The following WDR7 variants were observed in gnomAD, a reference collection of about 807,000 sequenced individuals.
WDR7 encodes WD repeat-containing protein 7.
Under a neutral mutation model 169.4 loss-of-function variants are expected in WDR7, and 46 were observed. That is an observed-to-expected ratio of 0.27 (90% CI 0.21 to 0.35). WDR7 has a LOEUF of 0.35. Ranked by LOEUF, WDR7 falls within the 10% of genes least tolerant of loss-of-function variation. WDR7 has a pLI of 1.00. For synonymous variants in WDR7, 612 were observed against 666.8 expected, an observed-to-expected ratio of 0.92 and a Z score of 1.27; for missense variants, 1,534 against 1,859.3, an observed-to-expected ratio of 0.83 and a Z score of 3.22.
chr18:56,814,872 C>A (rs2044937427), intron 19 of WDR7, among the ~76,000 whole-genome samples: 1 of 151,558 alleles, frequency 6.6e-6, no homozygotes, highest in African/African-American at 2.4e-5. Context: ...CATTCTTTAG[C>A]ATTATTATTA....
intron 13 of WDR7, among the ~76,000 whole-genome samples, chr18:56,725,920 C>T (rs1160555248): frequency 6.6e-6 from 1 of 152,092 alleles, no homozygotes; most frequent in Non-Finnish European, 1.5e-5. Flanking sequence ...GAATCCTTTC[C>T]CCATTTCTTG....
intron 20 of WDR7, chr18:56,872,689 C>G (rs987973418): frequency 6.6e-6 from 1 of 152,054 alleles, no homozygotes; most frequent in Non-Finnish European, 1.5e-5. Context: ...CTTTTCCACA[C>G]AGGGCTAGTT....
chr18:56,831,380 TAA>T (rs1368416913), intron 20 of WDR7, among the ~76,000 whole-genome samples: 2 of 152,008 alleles, frequency 1.3e-5, no homozygotes, highest in East Asian at 1.9e-4. Flanking sequence ...CTGGAATGAA[TAA>T]AGAGTCTAGA....
At chr18:56,833,344 ATATGGGAC>A (rs796610871) in intron 20 of WDR7, among the ~76,000 whole-genome samples, 2 of 152,100 alleles carry the variant, frequency 1.3e-5, no homozygotes, top group South Asian at 2.1e-4. Flanking sequence ...CTATGTGAAA[ATATGGGAC>A]TATGGGACTA....
At chr18:56,748,501 A>G (rs1356100633) in intron 14 of WDR7, among the ~76,000 whole-genome samples, 1 of 152,180 alleles carries the variant, frequency 6.6e-6, no homozygotes, top group Non-Finnish European at 1.5e-5. Context: ...TTTCTTTATC[A>G]AAGGCATGAC....
Position 57,014,054 on chromosome 18 carries a change from A to C in WDR7, c.4165-6691A>C, listed in dbSNP as rs186384165. ...GAAATTCCACATCTTGGCTGGGCACAGTGGTTCACGCCTATAATCCCAGCA... is the reference window on the plus strand; with the variant it reads ...GAAATTCCACATCTTGGCTGGGCACCGTGGTTCACGCCTATAATCCCAGCA... On this transcript the variant is annotated intron_variant, in intron 26 of 27. Coordinates refer to ENST00000254442, the MANE Select transcript of WDR7 (RefSeq NM_015285.3). 7.7e-4 allele frequency among the ~76,000 whole-genome samples: 118 copies of C among 152,326 alleles called. 3 individuals are homozygous for C. Among genetic ancestry groups the C allele is most frequent in the Admixed American group, 7.6e-3 (117 of 15,296 alleles).
At chr18:57,008,816 G>A (rs571153891) in intron 26 of WDR7, among the ~76,000 whole-genome samples, 1 of 152,088 alleles carries the variant, frequency 6.6e-6, no homozygotes, top group South Asian at 2.1e-4. Context: ...CACTGGCAGG[G>A]GTCCTATCTC....
At chr18:56,974,887 C>T (rs1408920287) in intron 26 of WDR7, among the ~76,000 whole-genome samples, 1 of 152,102 alleles carries the variant, frequency 6.6e-6, no homozygotes, top group Admixed American at 6.5e-5. Flanking sequence ...TGACAGTCTG[C>T]AGAGGAGGAC....
intron 19 of WDR7, among the ~76,000 whole-genome samples, chr18:56,807,370 G>A (rs978947661): frequency 1.3e-4 from 20 of 151,902 alleles, no homozygotes; most frequent in Non-Finnish European, 2.4e-4. Flanking sequence ...CATAGTCTTT[G>A]GTTTTTTTGT....
intron 19 of WDR7, among the ~76,000 whole-genome samples, chr18:56,813,255 T>C (rs2044906662): frequency 6.6e-6 from 1 of 151,592 alleles, no homozygotes; most frequent in Admixed American, 6.6e-5. Context: ...AAAATGTGTG[T>C]ATGTGTGTGT....
chr18:56,924,089 G>A lies in WDR7; in HGVS notation c.3694G>A (p.Ala1232Thr). 1 of 1,612,406 alleles carries A rather than the reference G, an allele frequency of 6.2e-7. No homozygotes were observed. Among genetic ancestry groups the A allele is most frequent in the African/African-American group, 1.3e-5 (1 of 74,946 alleles). Residue 1232 changes from alanine (A) to threonine (T), a missense_variant, in exon 22 of 28, where the codon GCC becomes ACC. Ala to Thr is a moderately conservative substitution (Grantham distance 58). Transcript: ENST00000254442. Reference sequence around the variant, plus strand: ...GGGGCTTCTCGAACTTTGTGCCGATGCCGAGAAACAACTTGCCAAGTATGT... The same window carrying A: ...GGGGCTTCTCGAACTTTGTGCCGATACCGAGAAACAACTTGCCAAGTATGT... Reference protein sequence around the residue: ...LMGLLELCADAEKQLANITMG... With the variant: ...LMGLLELCADTEKQLANITMG...
chr18:56,813,535 T>TTTC (rs200154332), intron 19 of WDR7, among the ~76,000 whole-genome samples: 1 of 152,094 alleles, frequency 6.6e-6, no homozygotes, highest in Admixed American at 6.5e-5. Context: ...AATTCTTTTT[T>TTTC]TTCTTCTTCT....
chr18:56,892,544 T>C (rs2046278124), intron 21 of WDR7, among the ~76,000 whole-genome samples: 1 of 152,074 alleles, frequency 6.6e-6, no homozygotes. Context: ...CAAATAAAGT[T>C]TTATTGGAAC....
chr18:57,018,058 T>A (rs1599250980), intron 26 of WDR7, among the ~76,000 whole-genome samples: 1 of 152,224 alleles, frequency 6.6e-6, no homozygotes, highest in African/African-American at 2.4e-5. Flanking sequence ...GTCCACTGGG[T>A]TGTAACATGC....
At chr18:56,953,720 C>T (rs2047213177) in intron 25 of WDR7, among the ~76,000 whole-genome samples, 1 of 152,190 alleles carries the variant, frequency 6.6e-6, no homozygotes. Flanking sequence ...AAGGAGGGAG[C>T]TGGCAGTTTT....
chr18:56,822,004 A>C (rs970585249), intron 20 of WDR7, among the ~76,000 whole-genome samples: 9 of 151,986 alleles, frequency 5.9e-5, no homozygotes, highest in Non-Finnish European at 1.2e-4. Flanking sequence ...GTCTCAATAA[A>C]AACAAAGGAA....
At chr18:56,662,237 C>T (rs1371266778) in intron 1 of WDR7, among the ~76,000 whole-genome samples, 1 of 152,194 alleles carries the variant, frequency 6.6e-6, no homozygotes, top group Non-Finnish European at 1.5e-5. Context: ...ATTGACTATC[C>T]TGTGAAAACA....
At chr18:56,673,265 T>C (rs1033174589) in intron 2 of WDR7, among the ~76,000 whole-genome samples, 1 of 152,088 alleles carries the variant, frequency 6.6e-6, no homozygotes, top group East Asian at 1.9e-4. Flanking sequence ...TTGTAACTCC[T>C]TTCTCTGACA....
intron 12 of WDR7, among the ~76,000 whole-genome samples, chr18:56,713,893 C>G (rs906629437): frequency 4.6e-5 from 7 of 150,968 alleles, no homozygotes; most frequent in African/African-American, 1.7e-4. Context: ...TAAGAGGAAA[C>G]CAAGTTGTGT....
Sources: allele counts gnomAD v4.1 joint callset (sites outside exome capture counted in the v4.1 genomes callset), GRCh38; gene constraint gnomAD v4.1.1; transcripts MANE v1.5; gene names NCBI Gene and HGNC (gene_info 2026-07-23, HGNC 2026-07-21).